Variants in MSH4 observed in about 807,000 individuals in gnomAD.
The protein encoded by MSH4 is mutS homolog 4.
In MSH4, 106 loss-of-function variants were observed where a neutral mutation model predicts 113.7. The observed-to-expected ratio is 0.93, with a 90% CI of 0.80 to 1.10. The LOEUF (loss-of-function observed/expected upper bound fraction) is 1.10. Among genes scored for constraint, MSH4 ranks in the 50% least tolerant of loss-of-function variants. The pLI is 0.00. For synonymous variants in MSH4, 368 were observed against 380.2 expected, an observed-to-expected ratio of 0.97 and a Z score of 0.37; for missense variants, 1,061 against 1,093.7, an observed-to-expected ratio of 0.97 and a Z score of 0.42.
chr1:75,869,731 C>T (rs1201607943), intron 9 of MSH4, among the ~76,000 whole-genome samples: 1 of 152,186 alleles, frequency 6.6e-6, no homozygotes, highest in African/African-American at 2.4e-5. Flanking sequence ...GGAGCCTCCA[C>T]CTAGATTTCA....
At chr1:75,901,793 C>CCTTTCT (rs1433500869) in intron 19 of MSH4, among the ~76,000 whole-genome samples, 1 of 152,000 alleles carries the variant, frequency 6.6e-6, no homozygotes, top group Non-Finnish European at 1.5e-5. Flanking sequence ...TGTGCATTCC[C>CCTTTCT]CTTTCTCTAT....
chr1:75,882,706 G>A lies in MSH4; in HGVS notation c.1907-915G>A, dbSNP rs533919122. Among the ~76,000 whole-genome samples, 6 of 149,882 alleles carry A rather than the reference G, an allele frequency of 4.0e-5. No homozygotes were observed. In the South Asian group the frequency reaches 1.3e-3, roughly 32 times the overall value. ...AAAAAAAAATCGGTGAGAAGTGGTG[G>A]CAGGTGCCTGTACTCCCAGCTTCTT... is the stretch of plus-strand genomic sequence containing the variant. On this transcript the variant is annotated intron_variant, in intron 14 of 19. Transcript: ENST00000263187.
chr1:75,832,738 C>A (rs1010763323), intron 7 of MSH4, among the ~76,000 whole-genome samples: 3 of 151,650 alleles, frequency 2.0e-5, no homozygotes, highest in Non-Finnish European at 4.4e-5. Context: ...TTCCACAGCC[C>A]TTCATGCTAA....
chr1:75,816,014 A>C (rs933226643), intron 5 of MSH4, among the ~76,000 whole-genome samples: 1 of 152,036 alleles, frequency 6.6e-6, no homozygotes, highest in African/African-American at 2.4e-5. Flanking sequence ...TCTCAAAATA[A>C]ATAAATAAAT....
rs896911614 is a variant in MSH4, at chr1:75,825,836, C to CT, written c.1162+3260dup. On this transcript the variant is annotated intron_variant, in intron 7 of 19. Transcript: ENST00000263187. Reference sequence around the variant, plus strand: ...AGCCAACTTGATTGTGGTGGATAAGCTTTTTGATGTGCTGCTGGATTCGGT... The same window carrying CT: ...AGCCAACTTGATTGTGGTGGATAAGCTTTTTTGATGTGCTGCTGGATTCGGT... Among the ~76,000 whole-genome samples, 60 of 152,224 alleles carry CT rather than the reference C, an allele frequency of 3.9e-4. 1 individual carries two copies. Among genetic ancestry groups the CT allele is most frequent in the African/African-American group, 1.4e-3 (59 of 41,552 alleles).
In MSH4 at chr1:75,881,275, A is replaced by G; in HGVS notation, c.1811A>G (p.Tyr604Cys). ...GTGTGCAAACTGCTTAGTGAGATTTATGAACATATTCATTGCTTATATAAA... is the reference window on the plus strand; with the variant it reads ...GTGTGCAAACTGCTTAGTGAGATTTGTGAACATATTCATTGCTTATATAAA... Reference protein sequence around the residue: ...MIVCKLLSEIYEHIHCLYKLS... With the variant: ...MIVCKLLSEICEHIHCLYKLS... The change falls in exon 14 of 20, where the codon TAT becomes TGT. Residue 604 changes from tyrosine (Y) to cysteine (C), a missense_variant. Coordinates refer to ENST00000263187, the MANE Select transcript of MSH4 (RefSeq NM_002440.4). 1 of 1,607,516 alleles carries G rather than the reference A, an allele frequency of 6.2e-7. No homozygotes were observed. The highest frequency in any genetic ancestry group is 1.1e-5 in the South Asian group (1 of 90,664).
At chr1:75,883,533 A>G in intron 14 of MSH4, 88 bp from the exon 15 acceptor site, 2 of 1,033,088 alleles carry the variant, frequency 1.9e-6, no homozygotes, top group Non-Finnish European at 2.8e-6. Flanking sequence ...TGTGAAAATC[A>G]CTAAGATATA....
chr1:75,876,350 A>G (rs2100568766), intron 9 of MSH4, among the ~76,000 whole-genome samples: 3 of 152,066 alleles, frequency 2.0e-5, no homozygotes, highest in Middle Eastern at 3.4e-3. Flanking sequence ...CTGTCTGTGC[A>G]TATTATTTTC....
At chr1:75,812,905 A>G (rs2100511916) in intron 4 of MSH4, among the ~76,000 whole-genome samples, 2 of 152,278 alleles carry the variant, frequency 1.3e-5, no homozygotes, top group Admixed American at 1.3e-4. Context: ...GCAGTTAGAA[A>G]CAATGTTAGT....
intron 19 of MSH4, among the ~76,000 whole-genome samples, chr1:75,900,448 C>A (rs1164157986): frequency 6.6e-6 from 1 of 151,144 alleles, no homozygotes; most frequent in Admixed American, 6.6e-5. Context: ...ATTACAAGCG[C>A]CCACCACCAC....
chr1:75,900,073 A>G (rs1284763238), intron 19 of MSH4, among the ~76,000 whole-genome samples: 6 of 152,048 alleles, frequency 3.9e-5, no homozygotes, highest in Non-Finnish European at 8.8e-5. Flanking sequence ...ATAGTTTTCA[A>G]AGCTTTTCTA....
chr1:75,874,720 G>T (rs1221930582), intron 9 of MSH4, among the ~76,000 whole-genome samples: 1 of 152,080 alleles, frequency 6.6e-6, no homozygotes, highest in Non-Finnish European at 1.5e-5. Context: ...TGCATGCCTG[G>T]CACAACTTCT....
intron 8 of MSH4, among the ~76,000 whole-genome samples, chr1:75,858,454 T>G (rs1261095096): frequency 1.3e-5 from 2 of 152,236 alleles, no homozygotes; most frequent in African/African-American, 4.8e-5. Flanking sequence ...ATACCCACTT[T>G]ATTGAGAGTT....
intron 7 of MSH4, among the ~76,000 whole-genome samples, chr1:75,824,420 G>A (rs1374582296): frequency 1.3e-5 from 2 of 152,080 alleles, no homozygotes; most frequent in East Asian, 3.8e-4. Context: ...CATTCTGTAG[G>A]TTGCCTTTTC....
chr1:75,816,709 C>T (rs1367992294), intron 6 of MSH4, among the ~76,000 whole-genome samples, 163 bp downstream of exon 6: 2 of 152,122 alleles, frequency 1.3e-5, no homozygotes, highest in African/African-American at 4.8e-5. Context: ...TCACTGCAAC[C>T]TCTGCCTTCC....
intron 3 of MSH4, 29 bp from the exon 4 acceptor site, chr1:75,810,668 T>C (rs12122939): frequency 0.24 from 250,543 of 1,053,388 alleles, 31,948 homozygotes; most frequent in Non-Finnish European, 0.26. Context: ...AAGCTTTATT[T>C]AAGAAATTGT....
intron 19 of MSH4, among the ~76,000 whole-genome samples, chr1:75,903,161 T>C (rs1169770255): frequency 6.6e-6 from 1 of 152,002 alleles, no homozygotes; most frequent in Non-Finnish European, 1.5e-5. Flanking sequence ...TTTCTTCAAG[T>C]AGTTTCATAG....
intron 5 of MSH4, among the ~76,000 whole-genome samples, chr1:75,815,905 G>A (rs1144340): frequency 0.54 from 81,599 of 151,780 alleles, 22,949 homozygotes; most frequent in Middle Eastern, 0.68. Flanking sequence ...CTACTTGGGA[G>A]GCTGAGGCAG....
intron 8 of MSH4, among the ~76,000 whole-genome samples, chr1:75,849,513 G>A (rs192605265): frequency 6.6e-6 from 1 of 151,582 alleles, no homozygotes; most frequent in Non-Finnish European, 1.5e-5. Flanking sequence ...AAGCCTTTTT[G>A]TATTATAAAG....
Sources: allele counts gnomAD v4.1 joint callset (sites outside exome capture counted in the v4.1 genomes callset), GRCh38; gene constraint gnomAD v4.1.1; transcripts MANE v1.5; gene names NCBI Gene and HGNC (gene_info 2026-07-23, HGNC 2026-07-21).